CCDC146: variants seen among roughly 807,000 people sequenced by gnomAD.
CCDC146 encodes coiled-coil domain containing 146.
Under a neutral mutation model 119.3 loss-of-function variants are expected in CCDC146, and 92 were observed. The ratio of observed to expected loss-of-function variants is 0.77; its 90% CI spans 0.65 to 0.92. The LOEUF (loss-of-function observed/expected upper bound fraction) is 0.92. Among genes scored for constraint, CCDC146 ranks in the 40% least tolerant of loss-of-function variants. The pLI, the probability that CCDC146 is intolerant of heterozygous loss-of-function variation, is 0.00. For synonymous variants in CCDC146, 372 were observed against 371.8 expected (o/e 1.00, Z -0.01); for missense variants, 1,000 against 1,103.0 (o/e 0.91, Z 1.32).
At chr7:77,267,941 C>T (rs1210100972) in intron 9 of CCDC146, among the ~76,000 whole-genome samples, 3 of 152,172 alleles carry the variant, frequency 2.0e-5, no homozygotes, top group Non-Finnish European at 4.4e-5. Context: ...AGGAATACAT[C>T]AGCAGTTGAA....
In CCDC146 at chr7:77,189,127, G is replaced by A. The variant is rs370583292; in HGVS notation, c.156+21303G>A. On this transcript the variant is annotated intron_variant, in intron 2 of 18. Coordinates refer to ENST00000285871, the MANE Select transcript of CCDC146 (RefSeq NM_020879.3). ...ATATTCAAATGCCTATATCCACTTG[G>A]ATATCTTTGAACTTATAATGTTCAA... Among the ~76,000 whole-genome samples the A allele has an allele frequency of 5.3e-5, 8 of 152,026 alleles. No individual in the cohort carries two copies. In the South Asian group the frequency reaches 1.7e-3, roughly 32 times the overall value.
intron 4 of CCDC146, among the ~76,000 whole-genome samples, chr7:77,249,599 GTT>G (rs1793020163): frequency 1.0e-5 from 1 of 96,818 alleles, no homozygotes; most frequent in African/African-American, 2.7e-5. Flanking sequence ...TCTGAAGTTC[GTT>G]CTGTCTGAAA....
intron 11 of CCDC146, 125 bp downstream of exon 11, chr7:77,274,777 G>C: frequency 1.4e-6 from 1 of 704,728 alleles, no homozygotes; most frequent in Admixed American, 3.0e-5. Context: ...CTATCGCAAG[G>C]ACAAAAAACC....
intron 9 of CCDC146, among the ~76,000 whole-genome samples, chr7:77,270,449 T>TG: frequency 6.6e-6 from 1 of 152,226 alleles, no homozygotes; most frequent in South Asian, 2.1e-4. Flanking sequence ...ACCTGATATA[T>TG]GCAGTTTGGG....
intron 2 of CCDC146, among the ~76,000 whole-genome samples, chr7:77,192,525 G>T (rs41534948): frequency 6.5e-4 from 99 of 152,208 alleles, no homozygotes; most frequent in South Asian, 4.1e-3. Flanking sequence ...ATTAGAAAGC[G>T]TAGTTTGTTT....
In CCDC146 at chr7:77,282,677, A is replaced by C. The variant is rs138053225; in HGVS notation, c.2040A>C (p.Gln680His). The C allele has an allele frequency of 6.2e-7, 1 of 1,613,896 alleles. No individual in the cohort carries two copies. Among genetic ancestry groups the C allele is most frequent in the African/African-American group, 1.3e-5 (1 of 74,942 alleles). ...IEIHLLEEKI[Q>H]FLKMKIAEKQ... Reference sequence around the variant, plus strand: ...TACATCTACTGGAAGAAAAGATCCAATTCCTGAAAATGAAGATTGCTGAGA... The same window carrying C: ...TACATCTACTGGAAGAAAAGATCCACTTCCTGAAAATGAAGATTGCTGAGA... The change falls in exon 15 of 19, where the codon CAA (glutamine) becomes CAC (histidine). Residue 680 changes from glutamine to histidine, a missense_variant. Physicochemically the swap from Gln to His is conservative, Grantham distance 24. Transcript: ENST00000285871.
chr7:77,278,854 G>A lies in CCDC146; in HGVS notation c.1529+14G>A. On this transcript the variant is annotated intron_variant, in intron 12 of 18. Transcript: ENST00000285871. ...AATTTATCGGAGGTAAAGTAATTAT[G>A]TGGTGTTTTATCTACGTAGGTGAGG... 6.2e-7 allele frequency: 1 copy of A among 1,604,208 alleles called. No individual in the cohort carries two copies. The highest frequency in any genetic ancestry group is 8.5e-7 in the Non-Finnish European group (1 of 1,171,864).
intron 2 of CCDC146, among the ~76,000 whole-genome samples, chr7:77,208,232 A>C (rs1792115117): frequency 6.6e-6 from 1 of 152,222 alleles, no homozygotes. Context: ...TAGACCACAA[A>C]GGTGGCACAG....
chr7:77,235,198 C>G, intron 2 of CCDC146, among the ~76,000 whole-genome samples: 1 of 152,134 alleles, frequency 6.6e-6, no homozygotes, highest in East Asian at 1.9e-4. Flanking sequence ...GCCCTTTCCT[C>G]ATAGGTCTTA....
chr7:77,222,240 C>T (rs1291854240), intron 2 of CCDC146, among the ~76,000 whole-genome samples: 1 of 152,324 alleles, frequency 6.6e-6, no homozygotes, highest in Middle Eastern at 3.4e-3. Context: ...TTAAAGACTA[C>T]TTCTGTGAGT....
chr7:77,240,550 T>C (rs1399971697), intron 3 of CCDC146, among the ~76,000 whole-genome samples: 1 of 152,260 alleles, frequency 6.6e-6, no homozygotes, highest in Non-Finnish European at 1.5e-5. Flanking sequence ...TTGTGATACC[T>C]AATACAATAT....
chr7:77,184,692 G>A (rs1343237980), intron 2 of CCDC146, among the ~76,000 whole-genome samples: 1 of 152,172 alleles, frequency 6.6e-6, no homozygotes, highest in Non-Finnish European at 1.5e-5. Flanking sequence ...AATAGTGTTT[G>A]GAGAGCATAG....
At chr7:77,214,907 A>T (rs1030548846) in intron 2 of CCDC146, among the ~76,000 whole-genome samples, 2 of 152,124 alleles carry the variant, frequency 1.3e-5, no homozygotes, top group Non-Finnish European at 2.9e-5. Flanking sequence ...GAGGCACATG[A>T]TATTGGTTGT....
At chr7:77,269,842 T>G (rs1793476715) in intron 9 of CCDC146, among the ~76,000 whole-genome samples, 2 of 152,184 alleles carry the variant, frequency 1.3e-5, no homozygotes, top group Admixed American at 1.3e-4. Flanking sequence ...ACCCTGTGAT[T>G]TATAATTAGC....
chr7:77,196,471 A>G lies in CCDC146; in HGVS notation c.156+28647A>G. ...GACATGCATCAAACCACCAGCCTGA[A>G]CTGTAGTACAGCCCACAGTTCCCAG... is the stretch of plus-strand genomic sequence containing the variant. On this transcript the variant is annotated intron_variant, in intron 2 of 18. Transcript: ENST00000285871. This position sits in a 1 kb window ranked among gnomAD's most constrained non-coding sequence, Gnocchi z 4.2. The G allele has an allele frequency of 1.2e-6, 2 of 1,614,154 alleles. No homozygotes were observed. The highest frequency in any genetic ancestry group is 8.5e-7 in the Non-Finnish European group (1 of 1,180,022).
Position 77,196,080 on chromosome 7 carries a change from G to A in CCDC146, c.156+28256G>A. On this transcript the variant is annotated intron_variant, in intron 2 of 18. Transcript: ENST00000285871. The surrounding 1 kb of genome is among the most constrained non-coding windows in gnomAD (Gnocchi z 4.2). ...GCTAATTGCTTGCAAGTGTTCATTG[G>A]ATAACAGCATAACAACAAAGGACTC... 1 of 523,814 alleles carries A rather than the reference G, an allele frequency of 1.9e-6. No homozygotes were observed. Among genetic ancestry groups the A allele is most frequent in the Non-Finnish European group, 3.4e-6 (1 of 297,900 alleles). 32.4% of individuals were successfully genotyped at this position (523,814 alleles called of 1,614,324 possible).
intron 2 of CCDC146, among the ~76,000 whole-genome samples, chr7:77,226,385 G>T (rs1483129012): frequency 2.0e-5 from 3 of 152,208 alleles, no homozygotes; most frequent in African/African-American, 7.2e-5. Flanking sequence ...GACAAATCCA[G>T]GTTCCCTGCA....
At chr7:77,275,622 G>A (rs1344970582) in intron 11 of CCDC146, among the ~76,000 whole-genome samples, 1 of 152,100 alleles carries the variant, frequency 6.6e-6, no homozygotes, top group Non-Finnish European at 1.5e-5. Context: ...CTCAAGAGTG[G>A]TAGCATTAGG....
At chr7:77,167,513 A>G in intron 1 of CCDC146, 145 bp from the exon 2 acceptor site, 1 of 515,964 alleles carries the variant, frequency 1.9e-6, no homozygotes, top group Non-Finnish European at 3.1e-6. Flanking sequence ...TTTTATAATG[A>G]GATTGTAGCT....
Sources: gnomAD v4.1 joint callset for allele counts (sites outside exome capture counted in the v4.1 genomes callset) on GRCh38, gnomAD v4.1.1 for gene constraint, Gnocchi (gnomAD v3.1) non-coding constraint, MANE v1.5 for transcripts, NCBI Gene and HGNC (gene_info 2026-07-23, HGNC 2026-07-21) for gene names.